TASOR2: variants seen among roughly 807,000 people sequenced by gnomAD.
TASOR2 encodes transcription activation suppressor family member 2.
TASOR2 carries 84 observed loss-of-function variants against 199.5 expected under a neutral mutation model. The observed-to-expected ratio is 0.42, with a 90% CI of 0.35 to 0.50. The LOEUF (loss-of-function observed/expected upper bound fraction) is 0.50, where lower values mean the gene tolerates loss of function less well. Ranked by LOEUF, TASOR2 falls within the 20% of genes least tolerant of loss-of-function variation. The probability of loss-of-function intolerance (pLI) is 0.02; values close to 1 mark genes in which losing one functional copy is unlikely to be tolerated. For synonymous variants in TASOR2, 1,103 were observed against 1,046.6 expected, an observed-to-expected ratio of 1.05 and a Z score of -1.04; for missense variants, 2,796 against 2,835.9, an observed-to-expected ratio of 0.99 and a Z score of 0.32.
chr10:5,736,569 T>A (rs188861061), intron 12 of TASOR2, among the ~76,000 whole-genome samples: 1 of 152,270 alleles, frequency 6.6e-6, no homozygotes, highest in East Asian at 1.9e-4. Context: ...ATCCTGTATT[T>A]GGTTTTAAAA....
In TASOR2 at chr10:5,752,463, C is replaced by T. The variant is rs751488085; in HGVS notation, c.6606+2436C>T. 3.3e-5 allele frequency among the ~76,000 whole-genome samples: 5 copies of T among 152,182 alleles called. No homozygotes were observed. The highest frequency in any genetic ancestry group is 4.8e-5 in the African/African-American group (2 of 41,456). ...AGGGGCCTGCAGGCCACGTGCAGGC[C>T]GTGTGTCGGCTCCACATGCCCACTG... is the stretch of plus-strand genomic sequence containing the variant. On this transcript the variant is annotated intron_variant, in intron 15 of 20. Coordinates refer to ENST00000328090, the Ensembl canonical transcript of TASOR2. The surrounding 1 kb of genome is among the most constrained non-coding windows in gnomAD (Gnocchi z 4.4).
At position 5,714,214 on chromosome 10, in the gene TASOR2, C is replaced by T. The variant is rs1182928317; in HGVS notation, c.-192+1296C>T. 8.1e-7 allele frequency: 1 copy of T among 1,230,566 alleles called. No individual in the cohort carries two copies. The highest frequency in any genetic ancestry group is 4.2e-5 in the Admixed American group (1 of 23,668). 76.2% of individuals were successfully genotyped at this position (1,230,566 alleles called of 1,614,324 possible). A position where few individuals can be genotyped will look rare whatever the true frequency, so the allele number is the denominator to read the frequency against. ...CTGGGTGATCCAGCCAAAGGTAAGT[C>T]CGTAAAGCAAAAAGAATCTTAAAAA... On this transcript the variant is annotated intron_variant, in intron 2 of 20. Coordinates refer to ENST00000328090, the Ensembl canonical transcript of TASOR2.
At position 5,748,662 on chromosome 10, in the gene TASOR2, C is replaced by T. The variant is rs554703711; in HGVS notation, c.5241C>T (p.Val1747=). 1.6e-5 allele frequency: 26 copies of T among 1,614,246 alleles called. No homozygotes were observed. The highest frequency in any genetic ancestry group is 6.6e-5 in the South Asian group (6 of 91,088). The stretch of plus-strand genomic sequence containing the variant: ...GTGAAACAAAGGAGCTATTGAATGT[C>T]GGGGTTTCCTCCCTTTGTGCTGGTC... Residue 1747 remains valine (V), a synonymous_variant, in exon 15 of 21, where the codon GTC becomes GTT. Coordinates refer to ENST00000328090, the Ensembl canonical transcript of TASOR2. The surrounding 1 kb of genome is among the most constrained non-coding windows in gnomAD (Gnocchi z 5.1).
In TASOR2 at chr10:5,687,697, G is replaced by A. The variant is rs1038653617; in HGVS notation, c.-288+2522G>A. ...TAGCCAGGTGTGGTGGCAGGTGCAG[G>A]TAGTCCCAGCTACTCGGGAGGCCGA... On this transcript the variant is annotated intron_variant, in intron 1 of 20. Transcript: ENST00000328090. The surrounding 1 kb of genome is among the most constrained non-coding windows in gnomAD (Gnocchi z 4.8). Among the ~76,000 whole-genome samples the A allele has an allele frequency of 2.6e-5, 4 of 152,202 alleles. No individual in the cohort carries two copies. Among genetic ancestry groups the A allele is most frequent in the Admixed American group, 6.5e-5 (1 of 15,278 alleles).
intron 18 of TASOR2, 126 bp downstream of exon 19, chr10:5,759,118 T>G (rs1250987413): frequency 1.5e-6 from 1 of 651,982 alleles, no homozygotes; most frequent in African/African-American, 1.8e-5. Context: ...GCATGAGGGC[T>G]GCTGGCTCTG....
At chr10:5,716,301 T>C (rs1156569057) in intron 2 of TASOR2, among the ~76,000 whole-genome samples, 1 of 152,212 alleles carries the variant, frequency 6.6e-6, no homozygotes, top group Non-Finnish European at 1.5e-5. Context: ...TTTCTACTTT[T>C]GGGCTATTAT....
At chr10:5,709,555 G>C (rs1010568667) in intron 1 of TASOR2, 17 of 1,230,664 alleles carry the variant, frequency 1.4e-5, no homozygotes, top group Non-Finnish European at 1.6e-5. Flanking sequence ...CAGAGAACAG[G>C]ACTATGTCAA....
In TASOR2 at chr10:5,712,820, C is replaced by T. The variant is rs1832086689; in HGVS notation, c.-287-3C>T. Reference sequence around the variant, plus strand: ...TTGGTTATTCTGTTCTCTCTTTATACAGTACAAAACTTTTTACCAACAAAA... The same window carrying T: ...TTGGTTATTCTGTTCTCTCTTTATATAGTACAAAACTTTTTACCAACAAAA... On this transcript the variant is annotated splice_region_variant and splice_polypyrimidine_tract_variant and intron_variant, in intron 1 of 20. Coordinates refer to ENST00000328090, the Ensembl canonical transcript of TASOR2. 2.5e-6 allele frequency: 3 copies of T among 1,205,468 alleles called. No individual in the cohort carries two copies. The highest frequency in any genetic ancestry group is 3.1e-6 in the Non-Finnish European group (3 of 963,954). 74.7% of individuals were successfully genotyped at this position (1,205,468 alleles called of 1,614,324 possible).
chr10:5,702,071 TC>T (rs1837934920), intron 1 of TASOR2, among the ~76,000 whole-genome samples: 2 of 152,234 alleles, frequency 1.3e-5, no homozygotes, highest in South Asian at 4.1e-4. Context: ...TGTTCCTTGT[TC>T]AGGATGATGT....
chr10:5,687,958 TTAACA>T lies in TASOR2; in HGVS notation c.-288+2786_-288+2790del, dbSNP rs1835975078. Among the ~76,000 whole-genome samples, 1 of 152,242 alleles carries T rather than the reference TTAACA, an allele frequency of 6.6e-6. No homozygotes were observed. Among genetic ancestry groups the T allele is most frequent in the Non-Finnish European group, 1.5e-5 (1 of 68,042 alleles). On this transcript the variant is annotated intron_variant, in intron 1 of 20. Transcript: ENST00000328090. This position sits in a 1 kb window ranked among gnomAD's most constrained non-coding sequence, Gnocchi z 4.8. ...TTTAAATATAATAACCCATTACATC[TTAACA>T]TATTTTATCTCCCCAAAATTAGTGA...
intron 8 of TASOR2, 55 bp downstream of exon 9, chr10:5,724,588 A>G: frequency 4.1e-6 from 2 of 483,050 alleles, no homozygotes; most frequent in Non-Finnish European, 6.3e-6. Flanking sequence ...ATTGATATAT[A>G]TTAGTTGTGC....
rs1837581293 is a variant in TASOR2, at chr10:5,699,840, G to A, written c.-287-12983G>A. 1.0e-5 allele frequency: 6 copies of A among 590,824 alleles called. No homozygotes were observed. The highest frequency in any genetic ancestry group is 1.3e-5 in the Non-Finnish European group (6 of 469,774). The allele number at this position is 590,824 out of a possible 1,614,324, so 36.6% of individuals were successfully genotyped here. A position where few individuals can be genotyped will look rare whatever the true frequency, so the allele number is the denominator to read the frequency against. The stretch of plus-strand genomic sequence containing the variant: ...GGTACACATTTATTTTTATTGATGC[G>A]TAATAGATGTACACAGTTTTAGGAT... On this transcript the variant is annotated intron_variant, in intron 1 of 20. Transcript: ENST00000328090. The surrounding 1 kb of genome is among the most constrained non-coding windows in gnomAD (Gnocchi z 4.1).
rs764169731 is a variant in TASOR2, at chr10:5,748,245, G to C, written c.4824G>C (p.Gln1608His). 15 of 1,614,198 alleles carry C rather than the reference G, an allele frequency of 9.3e-6. No individual in the cohort carries two copies. The highest frequency in any genetic ancestry group is 1.1e-5 in the Non-Finnish European group (13 of 1,180,036). The change falls in exon 15 of 21, where the codon CAG (glutamine) becomes CAC (histidine). Residue 1608 changes from glutamine to histidine, a missense_variant. This residue lies in a region of TASOR2 where 1,941 missense variants were observed against 1,924.9 expected (regional missense o/e 1.01). Transcript: ENST00000328090. This position sits in a 1 kb window ranked among gnomAD's most constrained non-coding sequence, Gnocchi z 5.1. ...TAGTGAATGTGTCAGTAAAACAGCA[G>C]ACTAGCCCTAAAAGCAGTCAGAACC... is the stretch of plus-strand genomic sequence containing the variant.
intron 1 of TASOR2, 118 bp from the exon 2 acceptor site, chr10:5,712,705 T>C (rs1832071704): frequency 4.1e-6 from 3 of 739,690 alleles, no homozygotes; most frequent in South Asian, 7.3e-5. Flanking sequence ...AATAGAAAAA[T>C]AATGCATTTA....
rs1838650493 is a variant in TASOR2 at position 5,706,662 on chromosome 10, C to G, written c.-287-6161C>G. ...AGCAAAACACGGTATAAGGAAAGAACTTGACTACACAGTATGGCTCAGCAA... is the reference window on the plus strand; with the variant it reads ...AGCAAAACACGGTATAAGGAAAGAAGTTGACTACACAGTATGGCTCAGCAA... On this transcript the variant is annotated intron_variant, in intron 1 of 20. Coordinates refer to ENST00000328090, the Ensembl canonical transcript of TASOR2. This position sits in a 1 kb window ranked among gnomAD's most constrained non-coding sequence, Gnocchi z 4.8. Among the ~76,000 whole-genome samples the G allele has an allele frequency of 6.6e-6, 1 of 152,148 alleles. No homozygotes were observed. Among genetic ancestry groups the G allele is most frequent in the Non-Finnish European group, 1.5e-5 (1 of 68,036 alleles).
chr10:5,703,642 T>C (rs1395066246), intron 1 of TASOR2, among the ~76,000 whole-genome samples: 1 of 151,240 alleles, frequency 6.6e-6, no homozygotes, highest in Non-Finnish European at 1.5e-5. Context: ...TATCTGGGAC[T>C]ACAGGCGCCC....
chr10:5,759,406 T>TA (rs1322763268), intron 18 of TASOR2, among the ~76,000 whole-genome samples: 1 of 152,198 alleles, frequency 6.6e-6, no homozygotes, highest in Non-Finnish European at 1.5e-5. Context: ...GGCTTATAAA[T>TA]ACGCAAACTT....
chr10:5,709,586 G>C (rs1831654869), intron 1 of TASOR2: 2 of 1,230,846 alleles, frequency 1.6e-6, no homozygotes, highest in Non-Finnish European at 2.0e-6. Flanking sequence ...GGTATACTTG[G>C]TGAAAATGAA....
rs59475949 is a variant in TASOR2, at chr10:5,718,392, T to TAA, written c.-100+657_-100+658dup. Among the ~76,000 whole-genome samples the TAA allele has an allele frequency of 9.0e-4, 124 of 137,500 alleles. 1 individual carries two copies. Among genetic ancestry groups the TAA allele is most frequent in the Admixed American group, 4.2e-3 (58 of 13,840 alleles). 90.2% of individuals were successfully genotyped at this position (137,500 alleles called of 152,430 possible). ...AGCCTAGCACTAAATGACCTTTAAT[T>TAA]AAAAAAAAAAAAAAAACAAGAGCCT... On this transcript the variant is annotated intron_variant, in intron 3 of 20. Coordinates refer to ENST00000328090, the Ensembl canonical transcript of TASOR2.
Sources: allele counts gnomAD v4.1 joint callset (sites outside exome capture counted in the v4.1 genomes callset), GRCh38; gene constraint gnomAD v4.1.1; regional missense constraint gnomAD v4.1.1; non-coding constraint Gnocchi (gnomAD v3.1); transcripts MANE v1.5; gene names NCBI Gene and HGNC (gene_info 2026-07-23, HGNC 2026-07-21).